The following TEX52 variants were observed in gnomAD, a reference collection of about 807,000 sequenced individuals.
The protein encoded by TEX52 is testis expressed 52, also known as testis-expressed protein 52.
A neutral mutation model predicts 17.6 loss-of-function variants in TEX52; 22 were observed. That is an observed-to-expected ratio of 1.25 (90% CI 0.89 to 1.78). TEX52 has a LOEUF of 1.78. Ranked by LOEUF, TEX52 falls within the 40% of genes most tolerant of loss-of-function variation. The pLI is 0.00. For missense variants in TEX52, 396 were observed against 372.3 expected, an observed-to-expected ratio of 1.06 and a Z score of -0.52; for synonymous variants, 168 against 147.4, an observed-to-expected ratio of 1.14 and a Z score of -1.01.
intron 2 of TEX52, among the ~76,000 whole-genome samples, chr12:2,851,540 G>A (rs932476771): frequency 6.6e-6 from 1 of 151,348 alleles, no homozygotes; most frequent in East Asian, 2.0e-4. Context: ...ACAGGGTTTC[G>A]CCATGGTGGC....
rs1179201154 is a variant in TEX52, at chr12:2,849,152, C to T, written c.*79G>A. ...CAGAGTCCTTTTGCTACCCCAGGGCCTCTTGCTGAAGGAGCATTGATTGAG... is the reference window on the plus strand; with the variant it reads ...CAGAGTCCTTTTGCTACCCCAGGGCTTCTTGCTGAAGGAGCATTGATTGAG... On this transcript the variant is annotated 3_prime_UTR_variant, in exon 3 of 3. Coordinates refer to ENST00000637658, the MANE Select transcript of TEX52 (RefSeq NM_001365174.2). The T allele has an allele frequency of 2.1e-6, 3 of 1,416,716 alleles. No homozygotes were observed. The highest frequency in any genetic ancestry group is 2.8e-6 in the Non-Finnish European group (3 of 1,074,924). The allele number at this position is 1,416,716 out of a possible 1,614,324, so 87.8% of individuals were successfully genotyped here. A position where few individuals can be genotyped will look rare whatever the true frequency, so the allele number is the denominator to read the frequency against.
chr12:2,855,829 C>G (rs1238441700), intron 1 of TEX52, among the ~76,000 whole-genome samples: 1 of 152,154 alleles, frequency 6.6e-6, no homozygotes, highest in Non-Finnish European at 1.5e-5. Flanking sequence ...AAGGGAAATG[C>G]TCCCTACCAT....
intron 2 of TEX52, among the ~76,000 whole-genome samples, chr12:2,852,969 T>C (rs1204175076): frequency 2.6e-5 from 4 of 151,540 alleles, no homozygotes; most frequent in East Asian, 2.0e-4. Flanking sequence ...CACTGCACTC[T>C]AGCATGGGCA....
intron 2 of TEX52, among the ~76,000 whole-genome samples, chr12:2,852,327 C>T (rs1401758127): frequency 1.3e-5 from 2 of 152,160 alleles, no homozygotes; most frequent in Non-Finnish European, 2.9e-5. Context: ...GGCCCTGTGC[C>T]ATTTGACCCT....
chr12:2,856,208 G>A (rs2098086717), intron 1 of TEX52, among the ~76,000 whole-genome samples: 1 of 152,198 alleles, frequency 6.6e-6, no homozygotes, highest in Non-Finnish European at 1.5e-5. Context: ...CACACAGGGT[G>A]CTGGTGCCTG....
At chr12:2,856,571 C>T (rs1006937734) in intron 1 of TEX52, among the ~76,000 whole-genome samples, 2 of 152,174 alleles carry the variant, frequency 1.3e-5, no homozygotes, top group African/African-American at 2.4e-5. Flanking sequence ...TCATGTTGGC[C>T]AAGCTGGTCT....
At chr12:2,855,820 A>C (rs1196105503) in intron 1 of TEX52, among the ~76,000 whole-genome samples, 1 of 152,102 alleles carries the variant, frequency 6.6e-6, no homozygotes, top group African/African-American at 2.4e-5. Context: ...GAAATCATGA[A>C]GGGAAATGCT....
intron 1 of TEX52, among the ~76,000 whole-genome samples, chr12:2,855,920 G>A (rs1238302436): frequency 2.0e-5 from 3 of 152,006 alleles, no homozygotes; most frequent in Non-Finnish European, 4.4e-5. Flanking sequence ...AGGGCCAGGG[G>A]TTTTCCCATC....
chr12:2,849,316 G>C lies in TEX52; in HGVS notation c.833C>G (p.Thr278Ser), dbSNP rs577661447. 12 of 1,536,140 alleles carry C rather than the reference G, an allele frequency of 7.8e-6. No homozygotes were observed. In the African/African-American group the frequency reaches 9.6e-5, roughly 12 times the overall value. ...GGAGAGATGGTGGAGGGGTAAGGCA[G>C]TTCTGTCCTTTATCAGGGTTTGGAA... Reference protein sequence around the residue: ...RDFQTLIKDRTALPLHHLSKA... With the variant: ...RDFQTLIKDRSALPLHHLSKA... Residue 278 changes from threonine (T) to serine (S), a missense_variant, in exon 3 of 3, where the codon ACT becomes AGT. Thr to Ser is a moderately conservative substitution (Grantham distance 58). Transcript: ENST00000637658.
At chr12:2,847,902 G>A (rs2098057922), downstream of TEX52, among the ~76,000 whole-genome samples, 1 of 152,084 alleles carries the variant, frequency 6.6e-6, no homozygotes, top group South Asian at 2.1e-4. Flanking sequence ...TTCTTTTTAT[G>A]GCTACATAAT....
Position 2,855,412 on chromosome 12 carries a change from TGGGA to T in TEX52, c.103_106del (p.Ser35LysfsTer30). 2.9e-6 allele frequency: 1 copy of T among 341,050 alleles called. No individual in the cohort carries two copies. The highest frequency in any genetic ancestry group is 5.8e-6 in the Non-Finnish European group (1 of 171,198). The allele number at this position is 341,050 out of a possible 1,614,324, so 21.1% of individuals were successfully genotyped here. ...GAAGAACTCACGCTGAGCCCACGTT[TGGGA>T]GGGTGGGAGGGACTCGCTGGCCTGG... On this transcript the variant is annotated frameshift_variant, in exon 2 of 3. Coordinates refer to ENST00000637658, the MANE Select transcript of TEX52 (RefSeq NM_001365174.2). LOFTEE classifies it high-confidence loss of function.
At chr12:2,848,957 C>G (rs2098061351), downstream of TEX52, 1 of 443,180 alleles carries the variant, frequency 2.3e-6, no homozygotes, top group Admixed American at 4.0e-5. Flanking sequence ...GGAGCCCCTC[C>G]CTGTTCTCCC....
intron 2 of TEX52, among the ~76,000 whole-genome samples, chr12:2,852,778 G>T (rs569430249): frequency 2.6e-5 from 4 of 152,178 alleles, no homozygotes; most frequent in Non-Finnish European, 4.4e-5. Context: ...GCCGAGTTGG[G>T]CCTGAGGTCG....
At chr12:2,853,366 G>A (rs1052734430) in intron 2 of TEX52, among the ~76,000 whole-genome samples, 2 of 151,734 alleles carry the variant, frequency 1.3e-5, no homozygotes, top group Admixed American at 6.6e-5. Flanking sequence ...TCCACCTCCC[G>A]GGTTCAAGTG....
intron 1 of TEX52, among the ~76,000 whole-genome samples, chr12:2,856,459 G>A (rs998837913): frequency 2.6e-5 from 4 of 152,094 alleles, no homozygotes; most frequent in Non-Finnish European, 5.9e-5. Context: ...TCCACCTCCC[G>A]GGTTCAAGTG....
At chr12:2,850,869 C>A (rs113266217) in intron 2 of TEX52, among the ~76,000 whole-genome samples, 20,001 of 151,246 alleles carry the variant, frequency 0.13, 2,230 homozygotes, top group African/African-American at 0.3. Context: ...ATGGGGTTTC[C>A]CCATGTTGGC....
At chr12:2,848,031 T>C (rs1270093722), downstream of TEX52, among the ~76,000 whole-genome samples, 2 of 152,254 alleles carry the variant, frequency 1.3e-5, no homozygotes, top group East Asian at 3.8e-4. Context: ...ATTTATTCCA[T>C]TTATTTATAA....
At chr12:2,849,580 C>G in intron 2 of TEX52, 55 bp from the exon 3 acceptor site, 1 of 1,526,694 alleles carries the variant, frequency 6.6e-7, no homozygotes, top group Non-Finnish European at 8.8e-7. Context: ...GATCCAGGGA[C>G]AGTGGAGAGA....
rs535671370 is a variant in TEX52 at position 2,849,203 on chromosome 12, A to G, written c.*28T>C. 9 of 1,518,894 alleles carry G rather than the reference A, an allele frequency of 5.9e-6. No individual in the cohort carries two copies. The highest frequency in any genetic ancestry group is 2.5e-5 in the South Asian group (2 of 80,688). The allele number at this position is 1,518,894 out of a possible 1,614,324, so 94.1% of individuals were successfully genotyped here. A position where few individuals can be genotyped will look rare whatever the true frequency, so the allele number is the denominator to read the frequency against. On this transcript the variant is annotated 3_prime_UTR_variant, in exon 3 of 3. Transcript: ENST00000637658. Reference sequence around the variant, plus strand: ...AACACTGGAGCCTGGGGCTCTGGGTATCACGATCGTCCCCTCTGGAAGCCC... The same window carrying G: ...AACACTGGAGCCTGGGGCTCTGGGTGTCACGATCGTCCCCTCTGGAAGCCC...
Sources: gnomAD v4.1 joint callset for allele counts (sites outside exome capture counted in the v4.1 genomes callset) on GRCh38, gnomAD v4.1.1 for gene constraint, MANE v1.5 for transcripts, NCBI Gene and HGNC (gene_info 2026-07-23, HGNC 2026-07-21) for gene names.